MBOAT2: variants seen among roughly 807,000 people sequenced by gnomAD.
The protein encoded by MBOAT2 is membrane-bound glycerophospholipid O-acyltransferase 2.
A neutral mutation model predicts 63.4 loss-of-function variants in MBOAT2; 28 were observed. The observed-to-expected ratio is 0.44, with a 90% CI of 0.33 to 0.61. The LOEUF (loss-of-function observed/expected upper bound fraction) is 0.61, where lower values mean the gene tolerates loss of function less well. Among genes scored for constraint, MBOAT2 ranks in the 20% least tolerant of loss-of-function variants. The pLI, the probability that MBOAT2 is intolerant of heterozygous loss-of-function variation, is 0.03. For missense variants in MBOAT2, 470 were observed against 605.8 expected, an observed-to-expected ratio of 0.78 and a Z score of 2.35; for synonymous variants, 211 against 215.6, an observed-to-expected ratio of 0.98 and a Z score of 0.19.
chr2:8,909,988 T>A (rs1390114270), intron 3 of MBOAT2, among the ~76,000 whole-genome samples: 2 of 152,202 alleles, frequency 1.3e-5, no homozygotes, highest in African/African-American at 2.4e-5. Context: ...GGGCTGGCCT[T>A]CTAACTGCAC....
At chr2:8,879,789 A>G (rs1260010259) in intron 6 of MBOAT2, among the ~76,000 whole-genome samples, 1 of 152,200 alleles carries the variant, frequency 6.6e-6, no homozygotes, top group Non-Finnish European at 1.5e-5. Context: ...GGGACAATAA[A>G]TGAGACAAAG....
intron 4 of MBOAT2, among the ~76,000 whole-genome samples, chr2:8,894,733 T>C (rs1302799227): frequency 6.6e-6 from 1 of 152,220 alleles, no homozygotes; most frequent in Admixed American, 6.5e-5. Flanking sequence ...AAAGATGGTG[T>C]GTCCGGAGTT....
At chr2:8,993,793 T>C (rs1362335715) in intron 1 of MBOAT2, among the ~76,000 whole-genome samples, 3 of 152,188 alleles carry the variant, frequency 2.0e-5, no homozygotes, top group Non-Finnish European at 4.4e-5. Flanking sequence ...CCACCTGGCA[T>C]ACATGAGACA....
chr2:8,906,620 T>C (rs1298772581), intron 4 of MBOAT2, among the ~76,000 whole-genome samples: 1 of 152,254 alleles, frequency 6.6e-6, no homozygotes, highest in East Asian at 1.9e-4. Flanking sequence ...GCAGTTAGCC[T>C]ATCCCTAGAT....
chr2:8,972,509 T>C (rs1225070317), intron 1 of MBOAT2, among the ~76,000 whole-genome samples: 1 of 152,120 alleles, frequency 6.6e-6, no homozygotes, highest in Non-Finnish European at 1.5e-5. Flanking sequence ...AAAGCCAAAA[T>C]TGACAAATGG....
At chr2:8,942,460 A>C (rs913274049) in intron 3 of MBOAT2, among the ~76,000 whole-genome samples, 1 of 152,214 alleles carries the variant, frequency 6.6e-6, no homozygotes, top group African/African-American at 2.4e-5. Flanking sequence ...TCTCTAGCCC[A>C]GCTACCCAGC....
At chr2:8,963,074 C>CA (rs1232662411) in intron 1 of MBOAT2, among the ~76,000 whole-genome samples, 1 of 151,712 alleles carries the variant, frequency 6.6e-6, no homozygotes, top group Non-Finnish European at 1.5e-5. Context: ...CCCATCTCTA[C>CA]AAAAAAATAC....
chr2:8,897,276 T>C (rs546805188), intron 4 of MBOAT2, among the ~76,000 whole-genome samples: 1 of 150,216 alleles, frequency 6.7e-6, no homozygotes, highest in Admixed American at 6.6e-5. Flanking sequence ...TCTGTCTCTT[T>C]CTCTCTTTCC....
intron 4 of MBOAT2, among the ~76,000 whole-genome samples, chr2:8,890,656 C>G (rs575648869): frequency 6.6e-6 from 1 of 152,088 alleles, no homozygotes; most frequent in African/African-American, 2.4e-5. Context: ...AGCAGCTAAC[C>G]CTACAGGTAC....
chr2:8,888,533 C>T (rs749855780), intron 4 of MBOAT2, among the ~76,000 whole-genome samples: 12 of 152,082 alleles, frequency 7.9e-5, no homozygotes, highest in Non-Finnish European at 1.5e-4. Context: ...TAAACACAGC[C>T]ATCTAAGGCA....
intron 1 of MBOAT2, among the ~76,000 whole-genome samples, chr2:8,973,642 C>G (rs534329241): frequency 2.0e-5 from 3 of 148,870 alleles, no homozygotes; most frequent in Admixed American, 6.7e-5. Context: ...ATAATAAAAA[C>G]AGTATAATAG....
chr2:8,930,294 T>C (rs987886171), intron 3 of MBOAT2, among the ~76,000 whole-genome samples: 1 of 152,234 alleles, frequency 6.6e-6, no homozygotes, highest in Non-Finnish European at 1.5e-5. Flanking sequence ...ACTGTTCTCA[T>C]TGTTCAATTC....
intron 1 of MBOAT2, among the ~76,000 whole-genome samples, chr2:8,959,513 C>T (rs1233574116): frequency 6.7e-6 from 1 of 150,182 alleles, no homozygotes; most frequent in Non-Finnish European, 1.5e-5. Flanking sequence ...CCAGGCTGGA[C>T]TGCAGTGGTG....
intron 3 of MBOAT2, among the ~76,000 whole-genome samples, chr2:8,912,267 GAGAAAGAC>G (rs1280470516): frequency 2.9e-5 from 4 of 139,954 alleles, no homozygotes. Flanking sequence ...GACAGACATA[GAGAAAGAC>G]AGAAAGACAG....
chr2:8,993,947 G>A (rs1255448931), intron 1 of MBOAT2, among the ~76,000 whole-genome samples: 2 of 152,206 alleles, frequency 1.3e-5, no homozygotes. Flanking sequence ...CTGACTCCGT[G>A]TGCATTGTCT....
intron 1 of MBOAT2, among the ~76,000 whole-genome samples, chr2:8,958,880 G>A (rs1669414578): frequency 6.6e-6 from 1 of 152,178 alleles, no homozygotes; most frequent in South Asian, 2.1e-4. Flanking sequence ...GTGTGGCCAC[G>A]TGGGGAGAGG....
chr2:8,970,356 G>A (rs1191864512), intron 1 of MBOAT2, among the ~76,000 whole-genome samples: 14 of 152,212 alleles, frequency 9.2e-5, no homozygotes, highest in Admixed American at 5.2e-4. Context: ...GAATCTCTGG[G>A]ACACATTCAA....
chr2:8,936,953 G>A (rs1297627666), intron 3 of MBOAT2, among the ~76,000 whole-genome samples: 2 of 152,114 alleles, frequency 1.3e-5, no homozygotes, highest in East Asian at 1.9e-4. Context: ...TGCTGCCTTC[G>A]CCAGGGAAAA....
At chr2:8,865,857 T>A (rs1015375610) in intron 9 of MBOAT2, among the ~76,000 whole-genome samples, 1 of 152,076 alleles carries the variant, frequency 6.6e-6, no homozygotes, top group Non-Finnish European at 1.5e-5. Flanking sequence ...GCCAACATGG[T>A]GAAAAGCTGT....
Sources: gnomAD v4.1 joint callset for allele counts (sites outside exome capture counted in the v4.1 genomes callset) on GRCh38, gnomAD v4.1.1 for gene constraint, MANE v1.5 for transcripts, NCBI Gene and HGNC (gene_info 2026-07-23, HGNC 2026-07-21) for gene names.